WDR7: variants seen among roughly 807,000 people sequenced by gnomAD.
WDR7 encodes the protein WD repeat-containing protein 7.
WDR7 carries 46 observed loss-of-function variants against 169.4 expected under a neutral mutation model. The observed-to-expected ratio is 0.27, with a 90% CI of 0.21 to 0.35. The LOEUF is 0.35. WDR7 is among the 10% of genes least tolerant of loss of function. The pLI, the probability that WDR7 is intolerant of heterozygous loss-of-function variation, is 1.00. For synonymous variants in WDR7, 612 were observed against 666.8 expected, an observed-to-expected ratio of 0.92 and a Z score of 1.27; for missense variants, 1,534 against 1,859.3, an observed-to-expected ratio of 0.83 and a Z score of 3.22.
At chr18:56,731,712 A>G (rs2144808069) in intron 14 of WDR7, 115 bp downstream of exon 14, 2 of 959,904 alleles carry the variant, frequency 2.1e-6, no homozygotes, top group South Asian at 4.4e-5. Context: ...TGAAAAATAA[A>G]CTTTTGATTT....
At chr18:56,971,574 A>T (rs767876948) in intron 26 of WDR7, among the ~76,000 whole-genome samples, 4 of 152,146 alleles carry the variant, frequency 2.6e-5, no homozygotes, top group Non-Finnish European at 5.9e-5. Flanking sequence ...GCCTGGAGTG[A>T]TAGGGGAGAA....
intron 13 of WDR7, among the ~76,000 whole-genome samples, chr18:56,724,561 G>A (rs2026399497): frequency 6.6e-6 from 1 of 151,578 alleles, no homozygotes; most frequent in Admixed American, 6.6e-5. Context: ...ACTTTATTTT[G>A]TTGGGTATTG....
At chr18:56,725,318 T>C (rs2026422477) in intron 13 of WDR7, among the ~76,000 whole-genome samples, 1 of 151,078 alleles carries the variant, frequency 6.6e-6, no homozygotes, top group East Asian at 1.9e-4. Context: ...GCACCTGTTG[T>C]TTCCTGACTT....
intron 13 of WDR7, among the ~76,000 whole-genome samples, chr18:56,720,320 C>T (rs1055930666): frequency 3.3e-5 from 5 of 151,210 alleles, no homozygotes; most frequent in Non-Finnish European, 5.9e-5. Context: ...TGTGGGGGCA[C>T]ATGCCTGTGT....
In WDR7 at chr18:56,754,015, G is replaced by A. The variant is rs2043834293; in HGVS notation, c.1990-2568G>A. Among the ~76,000 whole-genome samples the A allele has an allele frequency of 1.3e-5, 2 of 151,648 alleles. 1 individual carries two copies. Among genetic ancestry groups the A allele is most frequent in the South Asian group, 4.2e-4 (2 of 4,804 alleles). On this transcript the variant is annotated intron_variant, in intron 14 of 27. Transcript: ENST00000254442. Reference sequence around the variant, plus strand: ...TTATATGTAATCTAAGAAATATATAGCAATACAAACAAAATGTTCTATAAT... The same window carrying A: ...TTATATGTAATCTAAGAAATATATAACAATACAAACAAAATGTTCTATAAT...
At chr18:56,712,400 C>T (rs532097414) in intron 12 of WDR7, among the ~76,000 whole-genome samples, 1 of 152,310 alleles carries the variant, frequency 6.6e-6, no homozygotes, top group Non-Finnish European at 1.5e-5. Flanking sequence ...GGATTATTTA[C>T]TGGCAAATCC....
chr18:56,666,953 A>C (rs2025038653), intron 1 of WDR7, among the ~76,000 whole-genome samples: 1 of 152,142 alleles, frequency 6.6e-6, no homozygotes, highest in Non-Finnish European at 1.5e-5. Context: ...AAATATAAAA[A>C]ATAAAAGCAA....
intron 14 of WDR7, among the ~76,000 whole-genome samples, chr18:56,744,470 G>A (rs2043672955): frequency 6.6e-6 from 1 of 152,080 alleles, no homozygotes; most frequent in Non-Finnish European, 1.5e-5. Context: ...CTAAGAGCAA[G>A]TGTAAGGATT....
rs2048418781 is a variant in WDR7, at chr18:57,029,587, T to C, written c.*2380T>C. The stretch of plus-strand genomic sequence containing the variant: ...ACCTGTCCTTGTATATGTAGAGACA[T>C]ATGTGGCTTCATTGGTAATTTACAA... On this transcript the variant is annotated 3_prime_UTR_variant, in exon 28 of 28. Transcript: ENST00000254442. 1 of 152,048 alleles carries C rather than the reference T, an allele frequency of 6.6e-6. No homozygotes were observed. Among genetic ancestry groups the C allele is most frequent in the South Asian group, 2.1e-4 (1 of 4,826 alleles). 9.4% of individuals were successfully genotyped at this position (152,048 alleles called of 1,614,324 possible). A position where few individuals can be genotyped will look rare whatever the true frequency, so the allele number is the denominator to read the frequency against.
chr18:56,864,488 A>C (rs1016943236), intron 20 of WDR7, among the ~76,000 whole-genome samples: 1 of 151,724 alleles, frequency 6.6e-6, no homozygotes, highest in Non-Finnish European at 1.5e-5. Context: ...ATTAACTTGA[A>C]ATGGAGAGGA....
rs1465299918 is a variant in WDR7, at chr18:56,923,678, C to CAT, written c.3527-243_3527-242dup. 3.3e-5 allele frequency among the ~76,000 whole-genome samples: 5 copies of CAT among 152,298 alleles called. No individual in the cohort carries two copies. In the East Asian group the frequency reaches 9.6e-4, roughly 29 times the overall value. On this transcript the variant is annotated intron_variant, in intron 21 of 27. Transcript: ENST00000254442. ...GATATGTTTTGAAATTATATATACT[C>CAT]ATTTACGTACAATATGTAATTAAAA...
At chr18:56,696,527 T>G in intron 12 of WDR7, 65 bp downstream of exon 12, 1 of 1,297,120 alleles carries the variant, frequency 7.7e-7, no homozygotes, top group Non-Finnish European at 1.1e-6. Context: ...CTATCAGGAA[T>G]GTAAATGGAA....
intron 21 of WDR7, among the ~76,000 whole-genome samples, chr18:56,887,924 G>A (rs1042202927): frequency 1.8e-4 from 28 of 152,084 alleles, no homozygotes; most frequent in Non-Finnish European, 2.8e-4. Context: ...GTATTGTCAT[G>A]TTTGTTTATG....
At position 56,779,602 on chromosome 18, in the gene WDR7, C is replaced by A; in HGVS notation, c.3066+53C>A. 4 of 1,371,668 alleles carry A rather than the reference C, an allele frequency of 2.9e-6. No individual in the cohort carries two copies. The South Asian group carries it at 5.1e-5, about 17-fold the overall frequency. 85.0% of individuals were successfully genotyped at this position (1,371,668 alleles called of 1,614,324 possible). A position where few individuals can be genotyped will look rare whatever the true frequency, so the allele number is the denominator to read the frequency against. On this transcript the variant is annotated intron_variant, in intron 18 of 27. Transcript: ENST00000254442. Reference sequence around the variant, plus strand: ...ACAAAAATATTAAAAAGGCATTGGTCAAATGTAAACTTGAAACAAAAATGA... The same window carrying A: ...ACAAAAATATTAAAAAGGCATTGGTAAAATGTAAACTTGAAACAAAAATGA...
At chr18:56,725,073 T>C (rs1229276951) in intron 13 of WDR7, among the ~76,000 whole-genome samples, 1 of 151,062 alleles carries the variant, frequency 6.6e-6, no homozygotes, top group Non-Finnish European at 1.5e-5. Flanking sequence ...TTTGAGTTGG[T>C]TCCAAGTCTT....
At chr18:56,939,269 A>G in intron 24 of WDR7, 42 bp from the exon 25 acceptor site, 1 of 1,440,224 alleles carries the variant, frequency 6.9e-7, no homozygotes, top group South Asian at 1.4e-5. Context: ...TGGAAAATTA[A>G]GTATTTGAAA....
intron 12 of WDR7, among the ~76,000 whole-genome samples, chr18:56,716,579 A>G (rs2026197368): frequency 6.6e-6 from 1 of 152,226 alleles, no homozygotes; most frequent in Non-Finnish European, 1.5e-5. Context: ...ATCATGGTGA[A>G]GAGAATGTAA....
At chr18:56,788,646 T>C (rs1014301477) in intron 19 of WDR7, among the ~76,000 whole-genome samples, 3 of 152,118 alleles carry the variant, frequency 2.0e-5, no homozygotes, top group African/African-American at 7.2e-5. Flanking sequence ...TGTCTTTTCT[T>C]TTTGAGCAAG....
chr18:56,794,304 ATTTTTTTTTTT>A (rs566857049), intron 19 of WDR7, among the ~76,000 whole-genome samples: 4 of 49,466 alleles, frequency 8.1e-5, no homozygotes, highest in African/African-American at 2.6e-4. Context: ...GGTAAAGTCT[ATTTTTTTTTTT>A]TTTTTTTTTT....
Sources: gnomAD v4.1 joint callset for allele counts (sites outside exome capture counted in the v4.1 genomes callset) on GRCh38, gnomAD v4.1.1 for gene constraint, MANE v1.5 for transcripts, NCBI Gene and HGNC (gene_info 2026-07-23, HGNC 2026-07-21) for gene names.